Variants in PARD3B observed in about 807,000 individuals in gnomAD.
The protein encoded by PARD3B is par-3 family cell polarity regulator beta, also known as partitioning defective 3 homolog B.
PARD3B carries 103 observed loss-of-function variants against 130.2 expected under a neutral mutation model. The observed-to-expected ratio is 0.79, with a 90% CI of 0.67 to 0.93. The LOEUF (loss-of-function observed/expected upper bound fraction) is 0.93. Among genes scored for constraint, PARD3B ranks in the 40% least tolerant of loss-of-function variants. PARD3B has a pLI of 0.00. For missense variants in PARD3B, 1,609 were observed against 1,499.2 expected (o/e 1.07, Z -1.21); for synonymous variants, 583 against 553.2 (o/e 1.05, Z -0.76).
intron 2 of PARD3B, among the ~76,000 whole-genome samples, chr2:204,892,734 T>G (rs1473940962): frequency 1.3e-5 from 2 of 152,212 alleles, no homozygotes; most frequent in Middle Eastern, 3.4e-3. Context: ...AAAGATTCAT[T>G]GATGGATTAG....
Position 205,042,658 on chromosome 2 carries a change from G to T in PARD3B, c.395-4923G>T, listed in dbSNP as rs115391015. ...CTAGCCTCTGGTGTATGTTTTCATT[G>T]GTGTGTGTTCTCCAATAAGCCACGT... On this transcript the variant is annotated intron_variant, in intron 3 of 22. Transcript: ENST00000406610. Among the ~76,000 whole-genome samples the T allele has an allele frequency of 2.5e-3, 385 of 151,990 alleles. 3 individuals carry two copies. Among genetic ancestry groups the T allele is most frequent in the African/African-American group, 9.0e-3 (373 of 41,450 alleles).
intron 3 of PARD3B, among the ~76,000 whole-genome samples, chr2:205,035,921 C>G (rs1308596537): frequency 9.7e-6 from 1 of 102,860 alleles, no homozygotes; most frequent in East Asian, 2.2e-4. Flanking sequence ...ATATCTCTGA[C>G]TCCACTATAT....
At chr2:205,193,643 G>A (rs2036514680) in intron 15 of PARD3B, among the ~76,000 whole-genome samples, 1 of 152,192 alleles carries the variant, frequency 6.6e-6, no homozygotes, top group South Asian at 2.1e-4. Flanking sequence ...CTTTGCATTT[G>A]CACCCTCGCT....
In PARD3B at chr2:204,600,591, A is replaced by G. The variant is rs192817035; in HGVS notation, c.120+54472A>G. ...TTTGTAGTATATTTTGAAGTCTGGT[A>G]CTGTGATGCCTGCAGCTTTGTTCTT... On this transcript the variant is annotated intron_variant, in intron 1 of 22. Coordinates refer to ENST00000406610, the MANE Select transcript of PARD3B (RefSeq NM_001302769.2). 4.4e-4 allele frequency among the ~76,000 whole-genome samples: 67 copies of G among 151,940 alleles called. No homozygotes were observed. The South Asian group carries it at 5.2e-3, about 12-fold the overall frequency.
Position 205,440,885 on chromosome 2 carries a change from G to A in PARD3B, c.3044+213G>A, listed in dbSNP as rs2047691951. ...TGTAAGGTGGCATGAATGAATAGTA[G>A]TAGCAGAGTTCATGATGCAATAGGG... On this transcript the variant is annotated intron_variant, in intron 20 of 22. Coordinates refer to ENST00000406610, the MANE Select transcript of PARD3B (RefSeq NM_001302769.2). This position sits in a 1 kb window ranked among gnomAD's most constrained non-coding sequence, Gnocchi z 4.2. Among the ~76,000 whole-genome samples, 1 of 152,210 alleles carries A rather than the reference G, an allele frequency of 6.6e-6. No homozygotes were observed. The highest frequency in any genetic ancestry group is 1.5e-5 in the Non-Finnish European group (1 of 68,050).
chr2:204,937,165 A>G (rs1688525378), intron 2 of PARD3B, among the ~76,000 whole-genome samples: 1 of 152,224 alleles, frequency 6.6e-6, no homozygotes, highest in South Asian at 2.1e-4. Context: ...GGGTAGAGAG[A>G]AAGACTGAGA....
chr2:205,524,504 C>G (rs1014987104), intron 21 of PARD3B, among the ~76,000 whole-genome samples: 1 of 152,166 alleles, frequency 6.6e-6, no homozygotes, highest in Non-Finnish European at 1.5e-5. Flanking sequence ...AAGGGGAGAG[C>G]TTTCTATGCC....
chr2:205,333,485 A>T (rs1364920698), intron 18 of PARD3B, among the ~76,000 whole-genome samples: 7 of 152,142 alleles, frequency 4.6e-5, no homozygotes, highest in Admixed American at 4.6e-4. Flanking sequence ...CACATTATAG[A>T]ACATAAATGT....
chr2:204,562,437 A>T (rs1434053501), intron 1 of PARD3B, among the ~76,000 whole-genome samples: 2 of 152,240 alleles, frequency 1.3e-5, no homozygotes, highest in East Asian at 1.9e-4. Context: ...TCTGTGGATT[A>T]TAATGCCACG....
rs1204010633 is a variant in PARD3B, at chr2:205,011,520, C to A, written c.395-36061C>A. On this transcript the variant is annotated intron_variant, in intron 3 of 22. Coordinates refer to ENST00000406610, the MANE Select transcript of PARD3B (RefSeq NM_001302769.2). The surrounding 1 kb of genome is among the most constrained non-coding windows in gnomAD (Gnocchi z 4.1). The stretch of plus-strand genomic sequence containing the variant: ...TCTCAGAATGGACATACCAGTACTT[C>A]TTTCTGTCATATTTTATTCATCGCA... 6.6e-6 allele frequency among the ~76,000 whole-genome samples: 1 copy of A among 152,156 alleles called. No homozygotes were observed. The highest frequency in any genetic ancestry group is 1.5e-5 in the Non-Finnish European group (1 of 68,034).
intron 18 of PARD3B, among the ~76,000 whole-genome samples, chr2:205,335,752 G>A (rs1398335311): frequency 6.6e-6 from 1 of 152,074 alleles, no homozygotes; most frequent in Admixed American, 6.5e-5. Context: ...GATGACAGGA[G>A]GCAAAAAGAG....
At chr2:204,881,064 ACT>A (rs1380512099) in intron 2 of PARD3B, among the ~76,000 whole-genome samples, 1 of 152,214 alleles carries the variant, frequency 6.6e-6, no homozygotes, top group African/African-American at 2.4e-5. Flanking sequence ...ATCATTTAAC[ACT>A]ACTGAAAACA....
rs749219086 is a variant in PARD3B, at chr2:204,646,804, A to G, written c.121-39377A>G. On this transcript the variant is annotated intron_variant, in intron 1 of 22. Transcript: ENST00000406610. ...TCCTTTATAATGGGGTCACATCCTG[A>G]TAAACCAATGGTAAGTTGAAAATAT... 4.6e-5 allele frequency among the ~76,000 whole-genome samples: 7 copies of G among 152,016 alleles called. No homozygotes were observed. The South Asian group carries it at 1.2e-3, about 27-fold the overall frequency.
intron 1 of PARD3B, among the ~76,000 whole-genome samples, chr2:204,604,605 C>G (rs1380152793): frequency 6.6e-6 from 1 of 152,088 alleles, no homozygotes; most frequent in Non-Finnish European, 1.5e-5. Context: ...ATGTAAGAAG[C>G]ACCTGCATGG....
At chr2:205,005,600 A>G (rs967816039) in intron 3 of PARD3B, among the ~76,000 whole-genome samples, 6 of 152,218 alleles carry the variant, frequency 3.9e-5, no homozygotes, top group African/African-American at 1.4e-4. Flanking sequence ...AAAAAATTTG[A>G]CAAAAAGGAA....
At chr2:205,573,465 G>A (rs1255191649) in intron 22 of PARD3B, among the ~76,000 whole-genome samples, 1 of 152,114 alleles carries the variant, frequency 6.6e-6, no homozygotes, top group Non-Finnish European at 1.5e-5. Context: ...TGGTTCCAAT[G>A]GATGGCACAT....
chr2:205,458,453 G>A lies in PARD3B; in HGVS notation c.3044+17781G>A, dbSNP rs2048345107. ...CTGGTTTTTGAGTTCTCTGTCTTCTGATTTACTACTCTTGCCTGTGTGCTG... is the reference window on the plus strand; with the variant it reads ...CTGGTTTTTGAGTTCTCTGTCTTCTAATTTACTACTCTTGCCTGTGTGCTG... On this transcript the variant is annotated intron_variant, in intron 20 of 22. Coordinates refer to ENST00000406610, the MANE Select transcript of PARD3B (RefSeq NM_001302769.2). This position sits in a 1 kb window ranked among gnomAD's most constrained non-coding sequence, Gnocchi z 4.8. Among the ~76,000 whole-genome samples the A allele has an allele frequency of 1.3e-5, 2 of 151,914 alleles. No homozygotes were observed. The highest frequency in any genetic ancestry group is 2.9e-5 in the Non-Finnish European group (2 of 67,992).
At chr2:205,373,444 A>C (rs1013997416) in intron 18 of PARD3B, among the ~76,000 whole-genome samples, 2 of 152,184 alleles carry the variant, frequency 1.3e-5, no homozygotes, top group African/African-American at 4.8e-5. Flanking sequence ...CTGTGTTTCT[A>C]TTCATGCCTC....
At chr2:204,970,692 T>C (rs1434116188) in intron 3 of PARD3B, among the ~76,000 whole-genome samples, 1 of 152,220 alleles carries the variant, frequency 6.6e-6, no homozygotes, top group Admixed American at 6.5e-5. Context: ...GGGAAAATAT[T>C]TATTTAGTTA....
Sources: gnomAD v4.1 joint callset for allele counts (sites outside exome capture counted in the v4.1 genomes callset) on GRCh38, gnomAD v4.1.1 for gene constraint, Gnocchi (gnomAD v3.1) non-coding constraint, MANE v1.5 for transcripts, NCBI Gene and HGNC (gene_info 2026-07-23, HGNC 2026-07-21) for gene names.